The following SNAP91 variants were observed in gnomAD, a reference collection of about 807,000 sequenced individuals.
SNAP91 encodes clathrin coat assembly protein AP180.
A neutral mutation model predicts 100.3 loss-of-function variants in SNAP91; 27 were observed. The ratio of observed to expected loss-of-function variants is 0.27; its 90% CI spans 0.20 to 0.37. The LOEUF is 0.37. Ranked by LOEUF, SNAP91 falls within the 10% of genes least tolerant of loss-of-function variation. SNAP91 has a pLI of 1.00. For missense variants in SNAP91, 986 were observed against 1,123.7 expected, an observed-to-expected ratio of 0.88 and a Z score of 1.75; for synonymous variants, 404 against 398.6, an observed-to-expected ratio of 1.01 and a Z score of -0.16.
intron 2 of SNAP91, among the ~76,000 whole-genome samples, chr6:83,693,120 C>G (rs1036472940): frequency 7.9e-5 from 12 of 152,078 alleles, no homozygotes; most frequent in African/African-American, 2.9e-4. Context: ...AGAGAACAAA[C>G]AAAAATCACT....
chr6:83,667,517 A>G (rs1486518039), intron 2 of SNAP91, among the ~76,000 whole-genome samples: 3 of 152,176 alleles, frequency 2.0e-5, no homozygotes, highest in South Asian at 2.1e-4. Flanking sequence ...TTTGAGAACT[A>G]TCATTTCCCC....
chr6:83,569,920 T>A, intron 26 of SNAP91, among the ~76,000 whole-genome samples: 1 of 152,222 alleles, frequency 6.6e-6, no homozygotes, highest in East Asian at 1.9e-4. Flanking sequence ...ACCTTTTTTT[T>A]TGTAAATTGC....
intron 8 of SNAP91, among the ~76,000 whole-genome samples, chr6:83,635,779 T>C (rs1433707019): frequency 6.6e-6 from 1 of 152,216 alleles, no homozygotes; most frequent in Non-Finnish European, 1.5e-5. Context: ...TTATGGACTA[T>C]GTACTTATAT....
intron 11 of SNAP91, among the ~76,000 whole-genome samples, chr6:83,611,023 C>A (rs538646457): frequency 6.6e-6 from 1 of 151,926 alleles, no homozygotes; most frequent in Non-Finnish European, 1.5e-5. Flanking sequence ...AACAAACTGT[C>A]TAAATGGGAA....
intron 14 of SNAP91, among the ~76,000 whole-genome samples, chr6:83,604,208 C>T (rs1391593301): frequency 2.0e-5 from 3 of 151,726 alleles, no homozygotes; most frequent in Admixed American, 2.0e-4. Flanking sequence ...AAATTATTAG[C>T]AAATTAAAAT....
intron 23 of SNAP91, 31 bp downstream of exon 23, chr6:83,582,191 T>G (rs1829442919): frequency 6.2e-7 from 1 of 1,610,492 alleles, no homozygotes; most frequent in Non-Finnish European, 8.5e-7. Flanking sequence ...CCAGGACACA[T>G]GAAAAGAATG....
At chr6:83,568,694 C>G (rs1480802180) in intron 26 of SNAP91, among the ~76,000 whole-genome samples, 3 of 152,050 alleles carry the variant, frequency 2.0e-5, no homozygotes, top group African/African-American at 7.2e-5. Context: ...CTCTAAGAAG[C>G]AATTAAGGGA....
rs972707054 is a variant in SNAP91 at position 83,567,803 on chromosome 6, T to C, written c.2443-6856A>G. ...AAATCAAAACCACAATGAGATACCA[T>C]CTCACACCAATTAGGATGGCGATCA... On this transcript the variant is annotated intron_variant, in intron 26 of 29. Coordinates refer to ENST00000369694, the MANE Select transcript of SNAP91 (RefSeq NM_001242792.2). Among the ~76,000 whole-genome samples, 21 of 152,098 alleles carry C rather than the reference T, an allele frequency of 1.4e-4. 1 individual carries two copies. Among genetic ancestry groups the C allele is most frequent in the African/African-American group, 4.1e-4 (17 of 41,388 alleles).
At chr6:83,660,940 G>C (rs1398173305) in intron 5 of SNAP91, among the ~76,000 whole-genome samples, 1 of 151,872 alleles carries the variant, frequency 6.6e-6, no homozygotes, top group Non-Finnish European at 1.5e-5. Flanking sequence ...CACCACGCCT[G>C]ACTAATTTGT....
intron 7 of SNAP91, among the ~76,000 whole-genome samples, chr6:83,655,599 A>G (rs2098382340): frequency 6.6e-6 from 1 of 152,192 alleles, no homozygotes; most frequent in African/African-American, 2.4e-5. Flanking sequence ...ATTTTTACCT[A>G]CCTTTTACTT....
chr6:83,628,218 T>G (rs2097038592), intron 8 of SNAP91, among the ~76,000 whole-genome samples: 1 of 93,498 alleles, frequency 1.1e-5, no homozygotes, highest in African/African-American at 4.1e-5. Flanking sequence ...AATATTCCAT[T>G]TTACATATAT....
chr6:83,662,995 A>T (rs2098589329), intron 3 of SNAP91, among the ~76,000 whole-genome samples: 1 of 152,080 alleles, frequency 6.6e-6, no homozygotes, highest in Non-Finnish European at 1.5e-5. Context: ...CAATAGTTCA[A>T]ACTTTTTCAT....
intron 14 of SNAP91, among the ~76,000 whole-genome samples, chr6:83,602,711 A>G (rs2095344489): frequency 6.6e-6 from 1 of 152,064 alleles, no homozygotes; most frequent in South Asian, 2.1e-4. Flanking sequence ...TTCCCCCCAA[A>G]GCTGACTTTT....
intron 2 of SNAP91, among the ~76,000 whole-genome samples, chr6:83,703,177 A>G (rs2099339567): frequency 1.3e-5 from 2 of 150,102 alleles, no homozygotes; most frequent in Admixed American, 6.6e-5. Context: ...TTTTTTTTAA[A>G]CTAATAGTTA....
chr6:83,617,828 A>T (rs2096562053), intron 9 of SNAP91, among the ~76,000 whole-genome samples: 1 of 139,640 alleles, frequency 7.2e-6, no homozygotes, highest in Admixed American at 6.8e-5. Flanking sequence ...AGCATTAGAG[A>T]TTTCATTTCA....
chr6:83,647,681 G>GAT (rs2097997684), intron 7 of SNAP91, among the ~76,000 whole-genome samples: 1 of 152,008 alleles, frequency 6.6e-6, no homozygotes, highest in Admixed American at 6.6e-5. Context: ...CTACTGAGAT[G>GAT]TTATTTATAT....
rs530702833 is a variant in SNAP91, at chr6:83,590,947, G to A, written c.2014+264C>T. 7.9e-4 allele frequency among the ~76,000 whole-genome samples: 119 copies of A among 151,574 alleles called. 2 individuals carry two copies. In the South Asian group the frequency reaches 0.023, roughly 29 times the overall value. On this transcript the variant is annotated intron_variant, in intron 22 of 29. Coordinates refer to ENST00000369694, the MANE Select transcript of SNAP91 (RefSeq NM_001242792.2). ...ATTTTTTAAAAACAATTTCAATTTT[G>A]TTTTAGATTTGGGGGGGCAAGTACA...
At chr6:83,659,248 CTCTA>C (rs1016450020) in intron 5 of SNAP91, among the ~76,000 whole-genome samples, 156 bp from the exon 6 acceptor site, 1 of 152,108 alleles carries the variant, frequency 6.6e-6, no homozygotes, top group Non-Finnish European at 1.5e-5. Context: ...CATTTCCCCC[CTCTA>C]TCTATTATCT....
At chr6:83,614,892 AAAG>A in intron 10 of SNAP91, 30 bp from the exon 11 acceptor site, 2 of 1,571,914 alleles carry the variant, frequency 1.3e-6, no homozygotes, top group Non-Finnish European at 8.6e-7. Flanking sequence ...ACAAACATAC[AAAG>A]AAGAGAATAG....
Sources: gnomAD v4.1 joint callset for allele counts (sites outside exome capture counted in the v4.1 genomes callset) on GRCh38, gnomAD v4.1.1 for gene constraint, MANE v1.5 for transcripts, NCBI Gene and HGNC (gene_info 2026-07-23, HGNC 2026-07-21) for gene names.